The following PIP5K1B variants were observed in gnomAD, a reference collection of about 807,000 sequenced individuals.
The protein encoded by PIP5K1B is phosphatidylinositol 4-phosphate 5-kinase type-1 beta.
In PIP5K1B, 42 loss-of-function variants were observed where a neutral mutation model predicts 67.0. The observed-to-expected ratio is 0.63, with a 90% CI of 0.49 to 0.81. The LOEUF is 0.81. PIP5K1B is among the 30% of genes least tolerant of loss of function. PIP5K1B has a pLI of 0.00. For synonymous variants in PIP5K1B, 214 were observed against 231.4 expected (o/e 0.92, Z 0.68); for missense variants, 459 against 646.3 (o/e 0.71, Z 3.14).
chr9:68,935,312 C>CA (rs1398635328), intron 13 of PIP5K1B, among the ~76,000 whole-genome samples: 1 of 151,968 alleles, frequency 6.6e-6, no homozygotes, highest in East Asian at 1.9e-4. Flanking sequence ...ACTGAAAATA[C>CA]AAAAAATTAG....
intron 14 of PIP5K1B, among the ~76,000 whole-genome samples, chr9:68,948,832 G>A (rs533768287): frequency 2.0e-5 from 3 of 152,154 alleles, no homozygotes; most frequent in South Asian, 2.1e-4. Context: ...GAAGTGATTA[G>A]CTTTTCAAAT....
Position 68,795,043 on chromosome 9 carries a change from C to T in PIP5K1B, c.-85-23418C>T, listed in dbSNP as rs982645902. On this transcript the variant is annotated intron_variant, in intron 2 of 15. Coordinates refer to ENST00000265382, the MANE Select transcript of PIP5K1B (RefSeq NM_003558.4). ...GTCTTTCAAGACGTCAGTTAAGTGC[C>T]GTGCACTCCATGGAATGTCCTCTGA... Among the ~76,000 whole-genome samples the T allele has an allele frequency of 1.1e-4, 16 of 152,280 alleles. No homozygotes were observed. The South Asian group carries it at 2.1e-3, about 20-fold the overall frequency.
chr9:68,816,409 G>A (rs1423301668), intron 2 of PIP5K1B, among the ~76,000 whole-genome samples: 1 of 152,122 alleles, frequency 6.6e-6, no homozygotes, highest in African/African-American at 2.4e-5. Context: ...AATTACAAGC[G>A]TGAGCCACTG....
intron 14 of PIP5K1B, among the ~76,000 whole-genome samples, chr9:68,946,454 G>A (rs1310239804): frequency 6.6e-5 from 10 of 151,802 alleles, no homozygotes; most frequent in South Asian, 2.1e-4. Context: ...GTACAGTGGC[G>A]TGATCTCAGT....
Position 68,968,467 on chromosome 9 carries a change from C to T in PIP5K1B, c.1503-22673C>T, listed in dbSNP as rs376720396. Among the ~76,000 whole-genome samples, 228 of 143,822 alleles carry T rather than the reference C, an allele frequency of 1.6e-3. 3 individuals carry two copies. In the South Asian group the frequency reaches 0.046, roughly 29 times the overall value. 94.4% of individuals were successfully genotyped at this position (143,822 alleles called of 152,430 possible). ...TCTGGAGGCAGAGGTTGCAGTGAAC[C>T]GTAATCAGCCTGAGTGAGAGAGCAA... is the stretch of plus-strand genomic sequence containing the variant. On this transcript the variant is annotated intron_variant, in intron 14 of 15. Transcript: ENST00000265382.
intron 14 of PIP5K1B, among the ~76,000 whole-genome samples, chr9:68,980,371 T>C (rs1829839002): frequency 1.3e-5 from 2 of 152,212 alleles, no homozygotes; most frequent in African/African-American, 2.4e-5. Flanking sequence ...TTGTGGGTGT[T>C]CTCTGCAGGT....
chr9:68,919,632 A>G lies in PIP5K1B; in HGVS notation c.1068-49A>G, dbSNP rs769983698. ...TACAAAAGGTTCTGAAAAATCACCA[A>G]ATGAGAGTGATTTTACATTCTCATT... is the stretch of plus-strand genomic sequence containing the variant. On this transcript the variant is annotated intron_variant, in intron 10 of 15. Transcript: ENST00000265382. 2.8e-6 allele frequency: 4 copies of G among 1,411,470 alleles called. No homozygotes were observed. The South Asian group carries it at 3.6e-5, about 13-fold the overall frequency. The allele number at this position is 1,411,470 out of a possible 1,614,324, so 87.4% of individuals were successfully genotyped here.
At chr9:68,908,434 G>T (rs866402864) in intron 8 of PIP5K1B, among the ~76,000 whole-genome samples, 1 of 150,220 alleles carries the variant, frequency 6.7e-6, no homozygotes, top group African/African-American at 2.5e-5. Flanking sequence ...ATTTTTAAGT[G>T]TGGAAAAAAA....
At chr9:68,727,523 AAGG>A (rs1458044893) in intron 1 of PIP5K1B, 1 of 152,164 alleles carries the variant, frequency 6.6e-6, no homozygotes, top group Non-Finnish European at 1.5e-5. Context: ...TATATAAAGA[AAGG>A]AGGGGTCCTG....
chr9:68,837,000 G>A (rs2132133424), intron 4 of PIP5K1B, among the ~76,000 whole-genome samples: 1 of 152,350 alleles, frequency 6.6e-6, no homozygotes. Context: ...AATAGGAAAT[G>A]TTACAGACAT....
intron 2 of PIP5K1B, chr9:68,780,409 G>A: frequency 1.2e-6 from 2 of 1,614,012 alleles, no homozygotes; most frequent in East Asian, 2.2e-5. Flanking sequence ...CGCATGCACA[G>A]CAGCCGCTTG....
At chr9:68,762,894 T>C (rs530060606) in intron 2 of PIP5K1B, among the ~76,000 whole-genome samples, 1 of 152,260 alleles carries the variant, frequency 6.6e-6, no homozygotes, top group South Asian at 2.1e-4. Flanking sequence ...AACATTTTCC[T>C]CACTCTGTAG....
intron 6 of PIP5K1B, among the ~76,000 whole-genome samples, chr9:68,886,533 T>C (rs1194703928): frequency 6.6e-6 from 1 of 152,214 alleles, no homozygotes; most frequent in African/African-American, 2.4e-5. Flanking sequence ...CAGTTTCTGC[T>C]GCACCGAGTT....
chr9:68,707,744 T>C (rs546001522), intron 1 of PIP5K1B: 3 of 152,262 alleles, frequency 2.0e-5, no homozygotes, highest in South Asian at 4.1e-4. Flanking sequence ...TCAGTTCTGA[T>C]AGCAATGAGG....
chr9:68,947,497 C>T (rs1350197146), intron 14 of PIP5K1B, among the ~76,000 whole-genome samples: 2 of 152,212 alleles, frequency 1.3e-5, no homozygotes, highest in Admixed American at 6.5e-5. Context: ...TCGTTTGCAA[C>T]TCTGGGCCCC....
chr9:68,995,666 G>T (rs539028632), intron 15 of PIP5K1B, among the ~76,000 whole-genome samples: 1 of 151,848 alleles, frequency 6.6e-6, no homozygotes, highest in Non-Finnish European at 1.5e-5. Flanking sequence ...TTAGCTAGGC[G>T]TGGTGGTGCA....
At position 68,723,695 on chromosome 9, in the gene PIP5K1B, G is replaced by GTTT. The variant is rs36021674; in HGVS notation, c.-243+17953_-243+17955dup. Among the ~76,000 whole-genome samples the GTTT allele has an allele frequency of 2.4e-3, 118 of 50,114 alleles. 2 individuals carry two copies. The highest frequency in any genetic ancestry group is 5.2e-3 in the African/African-American group (61 of 11,770). 32.9% of individuals were successfully genotyped at this position (50,114 alleles called of 152,430 possible). A position where few individuals can be genotyped will look rare whatever the true frequency, so the allele number is the denominator to read the frequency against. The stretch of plus-strand genomic sequence containing the variant: ...GCCCATTTTTTAATTGAAGTATTTG[G>GTTT]TTTTTTTTTTTTTTTTTTTTTTGCT... On this transcript the variant is annotated intron_variant, in intron 1 of 15. Coordinates refer to ENST00000265382, the MANE Select transcript of PIP5K1B (RefSeq NM_003558.4).
intron 12 of PIP5K1B, among the ~76,000 whole-genome samples, chr9:68,924,402 A>T (rs4745393): frequency 1.1e-4 from 4 of 35,948 alleles, no homozygotes; most frequent in Admixed American, 4.4e-4. Flanking sequence ...ACTGCGCCTC[A>T]AAAAAAAAAA....
intron 14 of PIP5K1B, among the ~76,000 whole-genome samples, chr9:68,956,241 C>G (rs1019189647): frequency 1.1e-4 from 17 of 152,180 alleles, no homozygotes; most frequent in South Asian, 6.2e-4. Flanking sequence ...AAGGCTGAGG[C>G]AGGAGGATCA....
Sources: gnomAD v4.1 joint callset for allele counts (sites outside exome capture counted in the v4.1 genomes callset) on GRCh38, gnomAD v4.1.1 for gene constraint, MANE v1.5 for transcripts, NCBI Gene and HGNC (gene_info 2026-07-23, HGNC 2026-07-21) for gene names.